FRYL: variants seen among roughly 807,000 people sequenced by gnomAD.
The protein encoded by FRYL is FRY like transcription coactivator, also known as protein furry homolog-like.
Under a neutral mutation model 351.2 loss-of-function variants are expected in FRYL, and 150 were observed. The ratio of observed to expected loss-of-function variants is 0.43; its 90% CI spans 0.37 to 0.49. The LOEUF is 0.49. Ranked by LOEUF, FRYL falls within the 20% of genes least tolerant of loss-of-function variation. The pLI, the probability that FRYL is intolerant of heterozygous loss-of-function variation, is 0.00. For synonymous variants in FRYL, 1,153 were observed against 1,257.1 expected, an observed-to-expected ratio of 0.92 and a Z score of 1.75; for missense variants, 3,036 against 3,619.3, an observed-to-expected ratio of 0.84 and a Z score of 4.13.
intron 5 of FRYL, among the ~76,000 whole-genome samples, chr4:48,621,450 T>C (rs1457896100): frequency 6.6e-6 from 1 of 152,222 alleles, no homozygotes; most frequent in African/African-American, 2.4e-5. Context: ...TTTTCATGAA[T>C]GAATCCAACT....
At chr4:48,706,370 G>A (rs1280987193) in intron 2 of FRYL, among the ~76,000 whole-genome samples, 2 of 152,152 alleles carry the variant, frequency 1.3e-5, no homozygotes, top group Non-Finnish European at 2.9e-5. Flanking sequence ...ACATTATCCT[G>A]GGTGAAAAAA....
intron 13 of FRYL, among the ~76,000 whole-genome samples, chr4:48,597,896 G>A (rs1301180080): frequency 6.6e-6 from 1 of 152,110 alleles, no homozygotes; most frequent in South Asian, 2.1e-4. Context: ...GCTGCTATAT[G>A]TCTGAATAAT....
At chr4:48,580,772 A>G in intron 22 of FRYL, 93 bp downstream of exon 22, 1 of 775,396 alleles carries the variant, frequency 1.3e-6, no homozygotes, top group South Asian at 1.7e-5. Context: ...TTTGTTAAGG[A>G]AGTTATTTTA....
intron 15 of FRYL, among the ~76,000 whole-genome samples, chr4:48,594,499 T>A (rs1210863186): frequency 2.0e-5 from 3 of 152,016 alleles, no homozygotes; most frequent in Non-Finnish European, 2.9e-5. Context: ...TTCAAGGGAG[T>A]GGGTACAATT....
intron 1 of FRYL, among the ~76,000 whole-genome samples, chr4:48,772,704 A>G (rs1165589395): frequency 3.5e-5 from 4 of 115,662 alleles, no homozygotes; most frequent in East Asian, 5.2e-4. Context: ...AAAAAAAAAA[A>G]GCAGAACAAA....
chr4:48,550,731 C>G (rs768059552), intron 37 of FRYL, 27 bp from the exon 38 acceptor site: 1 of 1,446,464 alleles, frequency 6.9e-7, no homozygotes, highest in Non-Finnish European at 9.7e-7. Flanking sequence ...TGAAGTTAGT[C>G]ACAGTTCACG....
intron 4 of FRYL, among the ~76,000 whole-genome samples, chr4:48,629,668 TAACATGATC>T (rs1306286998): frequency 6.6e-6 from 1 of 151,982 alleles, no homozygotes; most frequent in African/African-American, 2.4e-5. Flanking sequence ...AAATTTCAGA[TAACATGATC>T]ATAGAGAAGA....
chr4:48,602,882 C>T (rs1000671373), intron 12 of FRYL, among the ~76,000 whole-genome samples: 4 of 152,148 alleles, frequency 2.6e-5, no homozygotes, highest in African/African-American at 9.7e-5. Flanking sequence ...GCCCACAGTA[C>T]AGTAACATGC....
At chr4:48,742,675 G>GCT (rs1292202018) in intron 1 of FRYL, among the ~76,000 whole-genome samples, 2 of 152,038 alleles carry the variant, frequency 1.3e-5, no homozygotes, top group African/African-American at 4.8e-5. Context: ...AAAATAAAGT[G>GCT]CTCTCAGGTA....
Position 48,515,169 on chromosome 4 carries a change from T to G in FRYL, c.7796A>C (p.Asp2599Ala). The G allele has an allele frequency of 6.2e-7, 1 of 1,614,014 alleles. No homozygotes were observed. The highest frequency in any genetic ancestry group is 1.1e-5 in the South Asian group (1 of 91,082). ...QESLVCQGIL[D>A]LEETEMPEPL... Reference sequence around the variant, plus strand: ...CTCTGGCATTTCAGTTTCTTCTAAATCAAGAATTCCTTGACACACAAGAGA... The same window carrying G: ...CTCTGGCATTTCAGTTTCTTCTAAAGCAAGAATTCCTTGACACACAAGAGA... The change falls in exon 56 of 64, where the codon GAT (aspartate) becomes GCT (alanine). Residue 2599 changes from aspartate to alanine, a missense_variant. Transcript: ENST00000358350.
In FRYL at chr4:48,550,770, ACTTTCTCTGTTTAAAAAAG is replaced by A. The variant is rs1465371931; in HGVS notation, c.4521-85_4521-67del. ...CAATGGTATTTATACTTTATGTTTC[ACTTTCTCTGTTTAAAAAAG>A]GAGGACGGACGCCATGGTTCAAGCC... On this transcript the variant is annotated intron_variant, in intron 37 of 63. Transcript: ENST00000358350. 2.3e-5 allele frequency: 27 copies of A among 1,172,090 alleles called. No homozygotes were observed. In the African/African-American group the frequency reaches 3.6e-4, roughly 16 times the overall value. The allele number at this position is 1,172,090 out of a possible 1,614,324, so 72.6% of individuals were successfully genotyped here.
chr4:48,727,436 T>C (rs1770204663), intron 1 of FRYL: 1 of 152,088 alleles, frequency 6.6e-6, no homozygotes, highest in South Asian at 2.1e-4. Context: ...CTTACCATAG[T>C]AGAAACCCAT....
rs199747966 is a variant in FRYL at position 48,539,923 on chromosome 4, C to A, written c.6393+48G>T. 8.1e-6 allele frequency: 11 copies of A among 1,361,896 alleles called. No homozygotes were observed. In the South Asian group the frequency reaches 1.3e-4, roughly 16 times the overall value. 84.4% of individuals were successfully genotyped at this position (1,361,896 alleles called of 1,614,324 possible). Reference sequence around the variant, plus strand: ...TTTCCCCCTCCTTTAACATAGACTACAAAATAATTTCCCTATAGTGTTACC... The same window carrying A: ...TTTCCCCCTCCTTTAACATAGACTAAAAAATAATTTCCCTATAGTGTTACC... On this transcript the variant is annotated intron_variant, in intron 47 of 63. Coordinates refer to ENST00000358350, the MANE Select transcript of FRYL (RefSeq NM_015030.2).
At chr4:48,513,202 G>GTAAGGT in intron 56 of FRYL, among the ~76,000 whole-genome samples, 1 of 152,284 alleles carries the variant, frequency 6.6e-6, no homozygotes, top group Middle Eastern at 3.4e-3. Flanking sequence ...AAAAAGTTCA[G>GTAAGGT]TAAGGTTAAA....
intron 56 of FRYL, among the ~76,000 whole-genome samples, chr4:48,512,909 A>G (rs981498782): frequency 2.0e-5 from 3 of 152,206 alleles, no homozygotes; most frequent in African/African-American, 7.2e-5. Flanking sequence ...AATTTCAAGC[A>G]ACTACCTTAA....
At chr4:48,595,391 A>T (rs552998876) in intron 15 of FRYL, among the ~76,000 whole-genome samples, 199 bp downstream of exon 15, 1 of 152,180 alleles carries the variant, frequency 6.6e-6, no homozygotes, top group Non-Finnish European at 1.5e-5. Context: ...GGATTATGAG[A>T]TATGTTGTTT....
At chr4:48,645,124 T>TATATATATATATATATATATATATATA (rs1756133820) in intron 3 of FRYL, among the ~76,000 whole-genome samples, 16 of 105,466 alleles carry the variant, frequency 1.5e-4, no homozygotes, top group South Asian at 5.7e-4. Context: ...AGCTTTCATT[T>TATATATATATATATATATATATATATA]TATATATATA....
intron 36 of FRYL, among the ~76,000 whole-genome samples, chr4:48,552,158 C>G (rs1560588843): frequency 6.6e-6 from 1 of 152,068 alleles, no homozygotes; most frequent in Non-Finnish European, 1.5e-5. Flanking sequence ...ACTGCACCCC[C>G]CCCAACATCC....
intron 16 of FRYL, among the ~76,000 whole-genome samples, chr4:48,593,232 C>T (rs1235353591): frequency 1.5e-5 from 2 of 137,840 alleles, no homozygotes; most frequent in Non-Finnish European, 3.1e-5. Context: ...TTGAAGAACA[C>T]CTTAAATATA....
Sources: allele counts gnomAD v4.1 joint callset (sites outside exome capture counted in the v4.1 genomes callset), GRCh38; gene constraint gnomAD v4.1.1; transcripts MANE v1.5; gene names NCBI Gene and HGNC (gene_info 2026-07-23, HGNC 2026-07-21).